APPL1: variants seen among roughly 807,000 people sequenced by gnomAD.
APPL1 encodes the protein adaptor protein, phosphotyrosine interacting with PH domain and leucine zipper 1, also known as DCC-interacting protein 13-alpha.
In APPL1, 42 loss-of-function variants were observed where a neutral mutation model predicts 106.8. The observed-to-expected ratio is 0.39, with a 90% CI of 0.31 to 0.51. The LOEUF (loss-of-function observed/expected upper bound fraction) is 0.51, where lower values mean the gene tolerates loss of function less well. Among genes scored for constraint, APPL1 ranks in the 20% least tolerant of loss-of-function variants. APPL1 has a pLI of 0.75. For synonymous variants in APPL1, 263 were observed against 281.8 expected, an observed-to-expected ratio of 0.93 and a Z score of 0.67; for missense variants, 769 against 858.2, an observed-to-expected ratio of 0.90 and a Z score of 1.30.
Position 57,260,097 on chromosome 3 carries a change from T to A in APPL1, c.1659-20T>A. On this transcript the variant is annotated intron_variant, in intron 17 of 21. Transcript: ENST00000288266. ...AGCCTAATTAAAATTTGTTTTCCAA[T>A]TTTTAAATTATTATTTTAGGTTAAT... 1 of 1,606,120 alleles carries A rather than the reference T, an allele frequency of 6.2e-7. No individual in the cohort carries two copies.
rs369970448 is a variant in APPL1 at position 57,240,507 on chromosome 3, G to T, written c.328G>T (p.Ala110Ser). The T allele has an allele frequency of 1.1e-5, 18 of 1,613,686 alleles. No homozygotes were observed. Among genetic ancestry groups the T allele is most frequent in the Non-Finnish European group, 1.4e-5 (17 of 1,179,858 alleles). The change falls in exon 5 of 22, where the codon GCC becomes TCC. Residue 110 changes from alanine (A) to serine (S), a missense_variant. By Grantham distance (99) the Ala-to-Ser change is moderately conservative. Transcript: ENST00000288266. ...AGTGCTTTCAACTCAACTTGCTGAT[G>T]CCATGATGTTCCCCATTACCCAGTT... The part of the protein sequence containing the change: ...HAVLSTQLAD[A>S]MMFPITQFKE...
Position 57,268,448 on chromosome 3 carries a change from G to A in APPL1, c.1944G>A (p.Lys648=). The change falls in exon 21 of 22, where the codon AAG becomes AAA. Residue 648 remains lysine, a synonymous_variant. Transcript: ENST00000288266. ...AAGAAATAGAGAGAGTAAAAGAGAAGCAACAGAAAGAACTCAATAAACAAA... is the reference window on the plus strand; with the variant it reads ...AAGAAATAGAGAGAGTAAAAGAGAAACAACAGAAAGAACTCAATAAACAAA... ...KQKEIERVKE[K]QQKELNKQKQ... 1.2e-6 allele frequency: 2 copies of A among 1,604,366 alleles called. No individual in the cohort carries two copies. Among genetic ancestry groups the A allele is most frequent in the African/African-American group, 1.3e-5 (1 of 74,750 alleles).
At position 57,271,338 on chromosome 3, in the gene APPL1, T is replaced by C. The variant is rs2060938143; in HGVS notation, c.*1651T>C. The C allele has an allele frequency of 6.6e-6, 1 of 152,628 alleles. No homozygotes were observed. The allele number at this position is 152,628 out of a possible 1,614,324, so 9.5% of individuals were successfully genotyped here. ...AATGTTTATTTACTGATGCTTTATG[T>C]TACCAAAACATACAGTAAAAAAGTA... On this transcript the variant is annotated 3_prime_UTR_variant, in exon 22 of 22. Transcript: ENST00000288266.
intron 6 of APPL1, 133 bp from the exon 7 acceptor site, chr3:57,242,723 G>A: frequency 1.5e-6 from 1 of 651,532 alleles, no homozygotes; most frequent in Non-Finnish European, 2.7e-6. Flanking sequence ...GGAAAATTGA[G>A]TGCAGTGGTC....
intron 5 of APPL1, among the ~76,000 whole-genome samples, chr3:57,241,528 A>T (rs759947069): frequency 1.3e-5 from 2 of 152,202 alleles, no homozygotes; most frequent in Non-Finnish European, 2.9e-5. Flanking sequence ...TATACATGGA[A>T]TACAGACAAA....
At chr3:57,260,878 A>C in intron 19 of APPL1, 104 bp downstream of exon 19, 1 of 1,208,962 alleles carries the variant, frequency 8.3e-7, no homozygotes, top group South Asian at 1.9e-5. Context: ...GTTAGTAATT[A>C]CTGATTGAAT....
At chr3:57,250,990 G>A (rs1388772437) in intron 11 of APPL1, among the ~76,000 whole-genome samples, 1 of 147,570 alleles carries the variant, frequency 6.8e-6, no homozygotes, top group Non-Finnish European at 1.5e-5. Flanking sequence ...TGTATTTTTA[G>A]TAGAGACGGG....
At chr3:57,249,657 T>A in intron 11 of APPL1, 109 bp downstream of exon 11, 1 of 984,990 alleles carries the variant, frequency 1.0e-6, no homozygotes, top group Non-Finnish European at 1.4e-6. Flanking sequence ...GTTCATTATG[T>A]ATTAAGATAA....
Position 57,270,194 on chromosome 3 carries a change from T to G in APPL1, c.*507T>G, listed in dbSNP as rs554870901. Reference sequence around the variant, plus strand: ...TATTAAATGTGCAATAGAACTTTTATAAAATAATTAGAACAGAGATTTTAC... The same window carrying G: ...TATTAAATGTGCAATAGAACTTTTAGAAAATAATTAGAACAGAGATTTTAC... On this transcript the variant is annotated 3_prime_UTR_variant, in exon 22 of 22. Transcript: ENST00000288266. The G allele has an allele frequency of 1.3e-5, 2 of 152,738 alleles. No individual in the cohort carries two copies. The highest frequency in any genetic ancestry group is 2.9e-5 in the Non-Finnish European group (2 of 68,112). The allele number at this position is 152,738 out of a possible 1,614,324, so 9.5% of individuals were successfully genotyped here.
chr3:57,244,524 G>A (rs749647872), intron 7 of APPL1, among the ~76,000 whole-genome samples: 5 of 152,106 alleles, frequency 3.3e-5, no homozygotes, highest in Non-Finnish European at 4.4e-5. Flanking sequence ...GTTTGGAATC[G>A]GAGAGAGTGC....
chr3:57,260,099 T>C lies in APPL1; in HGVS notation c.1659-18T>C. 4.4e-6 allele frequency: 7 copies of C among 1,606,386 alleles called. No individual in the cohort carries two copies. The highest frequency in any genetic ancestry group is 5.9e-6 in the Non-Finnish European group (7 of 1,177,878). On this transcript the variant is annotated intron_variant, in intron 17 of 21. Coordinates refer to ENST00000288266, the MANE Select transcript of APPL1 (RefSeq NM_012096.3). ...CCTAATTAAAATTTGTTTTCCAATTTTTAAATTATTATTTTAGGTTAATTG... is the reference window on the plus strand; with the variant it reads ...CCTAATTAAAATTTGTTTTCCAATTCTTAAATTATTATTTTAGGTTAATTG...
chr3:57,241,859 A>T (rs1480546573), intron 5 of APPL1, among the ~76,000 whole-genome samples: 1 of 152,234 alleles, frequency 6.6e-6, no homozygotes, highest in Non-Finnish European at 1.5e-5. Context: ...GTGGGTTTTT[A>T]AATTTGTTTT....
intron 21 of APPL1, 91 bp from the exon 22 acceptor site, chr3:57,269,450 A>AGAAGT: frequency 7.4e-7 from 1 of 1,347,614 alleles, no homozygotes; most frequent in South Asian, 1.5e-5. Flanking sequence ...TTATGACAGA[A>AGAAGT]GAAGTGGCTC....
rs2060665748 is a variant in APPL1 at position 57,228,450 on chromosome 3, G to A, written c.54+513G>A. ...ATGGCAAAGCCCGTGACGGGTCCCG[G>A]AGCCCAAGACCGCTCTCCCCGCCGA... On this transcript the variant is annotated intron_variant, in intron 1 of 21. Transcript: ENST00000288266. This position sits in a 1 kb window ranked among gnomAD's most constrained non-coding sequence, Gnocchi z 4.6. 6.6e-6 allele frequency among the ~76,000 whole-genome samples: 1 copy of A among 152,226 alleles called. No individual in the cohort carries two copies. The highest frequency in any genetic ancestry group is 2.4e-5 in the African/African-American group (1 of 41,460).
chr3:57,232,968 C>T (rs1419045904), intron 1 of APPL1, among the ~76,000 whole-genome samples: 1 of 152,076 alleles, frequency 6.6e-6, no homozygotes, highest in Non-Finnish European at 1.5e-5. Flanking sequence ...CACCACTGCA[C>T]TCCAGCCTGG....
At chr3:57,236,885 T>C (rs2060719157) in intron 2 of APPL1, among the ~76,000 whole-genome samples, 1 of 152,258 alleles carries the variant, frequency 6.6e-6, no homozygotes, top group Admixed American at 6.5e-5. Flanking sequence ...CTTCTCATAT[T>C]GTTTGCTTTC....
chr3:57,234,898 G>A lies in APPL1; in HGVS notation c.55-668G>A, dbSNP rs1293580369. Among the ~76,000 whole-genome samples the A allele has an allele frequency of 5.3e-5, 8 of 150,202 alleles. No homozygotes were observed. In the East Asian group the frequency reaches 6.0e-4, roughly 11 times the overall value. On this transcript the variant is annotated intron_variant, in intron 1 of 21. Coordinates refer to ENST00000288266, the MANE Select transcript of APPL1 (RefSeq NM_012096.3). ...TCTCAATCTCCTGACCTCATGATCT[G>A]CCTGCCTCGGCCTCCCAAAGTGCTG...
At chr3:57,261,372 A>G (rs188067775) in intron 19 of APPL1, among the ~76,000 whole-genome samples, 1 of 152,306 alleles carries the variant, frequency 6.6e-6, no homozygotes, top group East Asian at 1.9e-4. Flanking sequence ...ATGAACATTT[A>G]GATTGACTTA....
In APPL1 at chr3:57,257,329, A is replaced by C; in HGVS notation, c.1331A>C (p.Asp444Ala). 1 of 1,613,984 alleles carries C rather than the reference A, an allele frequency of 6.2e-7. No homozygotes were observed. The change falls in exon 15 of 22, where the codon GAT becomes GCT. Residue 444 changes from aspartate to alanine, a missense_variant. Asp to Ala is a moderately radical substitution (Grantham distance 126). Transcript: ENST00000288266. ...ESTNLAALSL[D>A]SLVAPDTPIQ... ...ACAAATTTGGCTGCCCTCTCTCTAG[A>C]TTCTCTTGTTGCCCCAGACACCCCA... is the stretch of plus-strand genomic sequence containing the variant.
Sources: allele counts gnomAD v4.1 joint callset (sites outside exome capture counted in the v4.1 genomes callset), GRCh38; gene constraint gnomAD v4.1.1; non-coding constraint Gnocchi (gnomAD v3.1); transcripts MANE v1.5; gene names NCBI Gene and HGNC (gene_info 2026-07-23, HGNC 2026-07-21).